Variants in MTAP observed in about 807,000 individuals in gnomAD.
MTAP encodes the protein S-methyl-5'-thioadenosine phosphorylase.
In MTAP, 33 loss-of-function variants were observed where a neutral mutation model predicts 33.6. The ratio of observed to expected loss-of-function variants is 0.98; its 90% CI spans 0.74 to 1.31. The LOEUF (loss-of-function observed/expected upper bound fraction) is 1.31. MTAP is among the 40% of genes most tolerant of loss of function. The pLI, the probability that MTAP is intolerant of heterozygous loss-of-function variation, is 0.00. For synonymous variants in MTAP, 148 were observed against 125.7 expected (o/e 1.18, Z -1.19); for missense variants, 367 against 360.0 (o/e 1.02, Z -0.16).
downstream of MTAP, among the ~76,000 whole-genome samples, chr9:21,871,322 A>G (rs762144624): frequency 3.3e-5 from 5 of 152,218 alleles, no homozygotes; most frequent in African/African-American, 1.2e-4. Context: ...AGCTCCAAGC[A>G]GACCAGGCTC....
chr9:21,854,802 G>A lies in MTAP; in HGVS notation c.622G>A (p.Ala208Thr). 1 of 1,614,150 alleles carries A rather than the reference G, an allele frequency of 6.2e-7. No homozygotes were observed. The highest frequency in any genetic ancestry group is 8.5e-7 in the Non-Finnish European group (1 of 1,180,010). ...TVPEVVLAKE[A>T]GICYASIAMA... ...TCCAGAGGTGGTTCTTGCTAAGGAGGCTGGAATTTGTTACGCAAGTATCGC... is the reference window on the plus strand; with the variant it reads ...TCCAGAGGTGGTTCTTGCTAAGGAGACTGGAATTTGTTACGCAAGTATCGC... Residue 208 changes from alanine (A) to threonine (T), a missense_variant, in exon 6 of 8, where the codon GCT becomes ACT. Coordinates refer to ENST00000644715, the MANE Select transcript of MTAP (RefSeq NM_002451.4).
chr9:21,851,415 A>G (rs1172211787), intron 5 of MTAP, among the ~76,000 whole-genome samples: 1 of 152,152 alleles, frequency 6.6e-6, no homozygotes, highest in Non-Finnish European at 1.5e-5. Flanking sequence ...TTTCTCCTTT[A>G]TCATATGACA....
At chr9:21,828,315 AT>A (rs1239468825) in intron 4 of MTAP, among the ~76,000 whole-genome samples, 6 of 152,222 alleles carry the variant, frequency 3.9e-5, no homozygotes, top group Non-Finnish European at 8.8e-5. Flanking sequence ...GAGTGTGTGC[AT>A]ACTGGCTGGA....
At chr9:21,833,139 A>G (rs1195308013) in intron 4 of MTAP, among the ~76,000 whole-genome samples, 2 of 152,092 alleles carry the variant, frequency 1.3e-5, no homozygotes, top group Admixed American at 1.3e-4. Context: ...CACTCTTGAT[A>G]CCAGAACAGT....
At chr9:21,883,582 A>G (rs1034971655) in intron 1 of MTAP, among the ~76,000 whole-genome samples, 3 of 151,976 alleles carry the variant, frequency 2.0e-5, no homozygotes, top group African/African-American at 4.8e-5. Context: ...CTTAATACCT[A>G]TGATTAAATA....
chr9:21,918,349 CAAAA>C (rs34446505), intron 1 of MTAP, among the ~76,000 whole-genome samples: 9 of 23,810 alleles, frequency 3.8e-4, no homozygotes, highest in African/African-American at 1.3e-3. Context: ...GACTCCGTCT[CAAAA>C]AAAAAAAAAA....
chr9:21,836,436 T>C (rs1232622071), intron 4 of MTAP, among the ~76,000 whole-genome samples: 2 of 151,906 alleles, frequency 1.3e-5, no homozygotes, highest in African/African-American at 4.8e-5. Flanking sequence ...TGGGCAGAGG[T>C]AGATGAAATG....
At chr9:21,850,060 C>T (rs1313285924) in intron 5 of MTAP, among the ~76,000 whole-genome samples, 1 of 152,176 alleles carries the variant, frequency 6.6e-6, no homozygotes, top group Non-Finnish European at 1.5e-5. Context: ...AGAACTTGAT[C>T]GCTTTTTGCT....
At chr9:21,937,965 C>A (rs1482825098), downstream of MTAP, among the ~76,000 whole-genome samples, 1 of 152,002 alleles carries the variant, frequency 6.6e-6, no homozygotes, top group African/African-American at 2.4e-5. Context: ...CATAGGGAGA[C>A]CCTTCTCTAC....
intron 1 of MTAP, among the ~76,000 whole-genome samples, chr9:21,887,589 T>A (rs1818133181): frequency 6.6e-6 from 1 of 152,242 alleles, no homozygotes; most frequent in Admixed American, 6.5e-5. Context: ...CATGTGTCTT[T>A]ATAGCAGCAT....
rs973114513 is a variant in MTAP at position 21,815,747 on chromosome 9, G to A, written c.120+228G>A. 8 of 505,252 alleles carry A rather than the reference G, an allele frequency of 1.6e-5. No homozygotes were observed. In the Admixed American group the frequency reaches 2.6e-4, roughly 16 times the overall value. 31.3% of individuals were successfully genotyped at this position (505,252 alleles called of 1,614,324 possible). A position where few individuals can be genotyped will look rare whatever the true frequency, so the allele number is the denominator to read the frequency against. On this transcript the variant is annotated intron_variant, in intron 2 of 7. Transcript: ENST00000644715. ...TTTTGAGAAAATGGCTACTTAGTAT[G>A]TAAATCACTTCTCATTCTGTTGCTG... is the stretch of plus-strand genomic sequence containing the variant.
intron 1 of MTAP, among the ~76,000 whole-genome samples, chr9:21,915,075 T>TCTTTCTTTCTTTCTTTCTTC (rs1818662693): frequency 8.4e-6 from 1 of 119,630 alleles, no homozygotes; most frequent in African/African-American, 4.1e-5. Context: ...TTTCTTTCTT[T>TCTTTCTTTCTTTCTTTCTTC]CTTTCTTTCC....
At chr9:21,857,170 C>G (rs897957469) in intron 6 of MTAP, among the ~76,000 whole-genome samples, 1 of 152,096 alleles carries the variant, frequency 6.6e-6, no homozygotes, top group Non-Finnish European at 1.5e-5. Context: ...TTGGGTGAAG[C>G]CCAACAGCTG....
chr9:21,871,243 A>G (rs1323686224), downstream of MTAP, among the ~76,000 whole-genome samples: 1 of 152,172 alleles, frequency 6.6e-6, no homozygotes, highest in Non-Finnish European at 1.5e-5. Flanking sequence ...GCTCAGTTGC[A>G]CTAGCTACAT....
rs1168348926 is a variant in MTAP at position 21,927,969 on chromosome 9, G to T, written c.148-3039G>T. Among the ~76,000 whole-genome samples the T allele has an allele frequency of 2.0e-5, 3 of 152,184 alleles. No individual in the cohort carries two copies. In the East Asian group the frequency reaches 5.8e-4, roughly 29 times the overall value. On this transcript the variant is annotated intron_variant, in intron 1 of 1. Coordinates refer to the MTAP transcript ENST00000577563. ...GTGCACTGTAAAGAATACCACAGGG[G>T]TTCTGATGAAACTGCATGGGGAAAT...
chr9:21,804,668 G>T (rs1168155372), intron 1 of MTAP, among the ~76,000 whole-genome samples: 1 of 152,010 alleles, frequency 6.6e-6, no homozygotes, highest in Non-Finnish European at 1.5e-5. Flanking sequence ...CCAGTGTCCA[G>T]AGCAAAATAG....
At chr9:21,915,043 CCTTCCTTCCTTCCTTT>C (rs1269493625) in intron 1 of MTAP, among the ~76,000 whole-genome samples, 133 of 71,928 alleles carry the variant, frequency 1.8e-3, no homozygotes, top group South Asian at 5.0e-3. Context: ...TTCCTTCCTT[CCTTCCTTCCTTCCTTT>C]CTTTCTTTCT....
At chr9:21,893,571 A>G (rs978831939) in intron 1 of MTAP, 5 of 152,180 alleles carry the variant, frequency 3.3e-5, no homozygotes, top group African/African-American at 1.2e-4. Context: ...AAGGGACATT[A>G]CCATCAACCC....
intron 1 of MTAP, among the ~76,000 whole-genome samples, chr9:21,895,644 G>A (rs953281720): frequency 2.6e-5 from 4 of 152,184 alleles, no homozygotes; most frequent in African/African-American, 4.8e-5. Context: ...CTTGGCAAAC[G>A]GCACACTAGG....
Sources: gnomAD v4.1 joint callset for allele counts (sites outside exome capture counted in the v4.1 genomes callset) on GRCh38, gnomAD v4.1.1 for gene constraint, MANE v1.5 for transcripts, NCBI Gene and HGNC (gene_info 2026-07-23, HGNC 2026-07-21) for gene names.